The following PRIM2 variants were observed in gnomAD, a reference collection of about 807,000 sequenced individuals.
The protein encoded by PRIM2 is DNA primase subunit 2, also known as DNA primase large subunit.
Under a neutral mutation model 67.3 loss-of-function variants are expected in PRIM2, and 39 were observed. The observed-to-expected ratio is 0.58, with a 90% CI of 0.45 to 0.76. The LOEUF is 0.76. Among genes scored for constraint, PRIM2 ranks in the 30% least tolerant of loss-of-function variants. The pLI is 0.00. For synonymous variants in PRIM2, 143 were observed against 198.7 expected (o/e 0.72, Z 2.36); for missense variants, 398 against 598.7 (o/e 0.66, Z 3.50).
intron 8 of PRIM2, among the ~76,000 whole-genome samples, chr6:57,514,858 C>T (rs1477937387): frequency 6.6e-6 from 1 of 151,948 alleles, no homozygotes; most frequent in African/African-American, 2.4e-5. Flanking sequence ...AAACAGTACC[C>T]CCCTCCCCAC....
chr6:57,526,216 T>C (rs1315184882), intron 8 of PRIM2, among the ~76,000 whole-genome samples: 27 of 152,292 alleles, frequency 1.8e-4, no homozygotes, highest in Non-Finnish European at 3.2e-4. Context: ...TCTAATGTAA[T>C]TGAATATTCA....
the PRIM2 span, among the ~76,000 whole-genome samples, chr6:57,284,068 A>C: frequency 1.3e-5 from 2 of 152,162 alleles, no homozygotes; most frequent in African/African-American, 4.8e-5. Context: ...CACTCTCCCC[A>C]TAAGTATCCT....
chr6:57,223,934 T>C, the PRIM2 span, among the ~76,000 whole-genome samples: 2 of 152,172 alleles, frequency 1.3e-5, no homozygotes, highest in African/African-American at 4.8e-5. Flanking sequence ...ACATTAAAAA[T>C]AGAATTATCG....
At chr6:57,357,064 G>A (rs62415818) in intron 5 of PRIM2, among the ~76,000 whole-genome samples, 2 of 151,444 alleles carry the variant, frequency 1.3e-5, no homozygotes, top group African/African-American at 2.4e-5. Flanking sequence ...CTCCCAAGTA[G>A]CTGGGACTAC....
chr6:57,295,727 T>C, the PRIM2 span, among the ~76,000 whole-genome samples: 1 of 152,206 alleles, frequency 6.6e-6, no homozygotes, highest in Non-Finnish European at 1.5e-5. Flanking sequence ...CTGATGCTTA[T>C]CTCCACATGA....
At chr6:57,487,087 A>G (rs2127407916) in intron 7 of PRIM2, among the ~76,000 whole-genome samples, 1 of 152,232 alleles carries the variant, frequency 6.6e-6, no homozygotes, top group East Asian at 1.9e-4. Flanking sequence ...TTAAAAGATC[A>G]CTAGTCAAGT....
chr6:57,605,989 A>T (rs1776555484), intron 11 of PRIM2, among the ~76,000 whole-genome samples: 1 of 152,080 alleles, frequency 6.6e-6, no homozygotes, highest in Admixed American at 6.5e-5. Context: ...TCCTTCTCTC[A>T]TATGCCTTTT....
intron 8 of PRIM2, among the ~76,000 whole-genome samples, chr6:57,516,747 T>C (rs1432364337): frequency 9.9e-5 from 15 of 152,184 alleles, no homozygotes; most frequent in African/African-American, 3.6e-4. Context: ...TTTTATGTAT[T>C]GTTTATTGAA....
chr6:57,355,546 T>G (rs1769004601), intron 5 of PRIM2, among the ~76,000 whole-genome samples: 1 of 152,148 alleles, frequency 6.6e-6, no homozygotes, highest in South Asian at 2.1e-4. Flanking sequence ...CTGGCTTGTC[T>G]TTTTCTTAGA....
chr6:57,613,570 G>A (rs1463054790), intron 12 of PRIM2, among the ~76,000 whole-genome samples: 5 of 152,188 alleles, frequency 3.3e-5, no homozygotes, highest in Non-Finnish European at 5.9e-5. Flanking sequence ...GTTAGGAACT[G>A]TGAAGGATCT....
At chr6:57,256,386 A>G in the PRIM2 span, among the ~76,000 whole-genome samples, 1 of 152,168 alleles carries the variant, frequency 6.6e-6, no homozygotes, top group Non-Finnish European at 1.5e-5. Context: ...TTCTTCCATT[A>G]TAAGATCAAA....
chr6:57,272,041 C>A, the PRIM2 span, among the ~76,000 whole-genome samples: 1 of 152,174 alleles, frequency 6.6e-6, no homozygotes, highest in Admixed American at 6.5e-5. Context: ...GAGTGCTTTA[C>A]TTCCAACTAT....
At chr6:57,248,410 C>A in the PRIM2 span, among the ~76,000 whole-genome samples, 1 of 152,082 alleles carries the variant, frequency 6.6e-6, no homozygotes, top group Non-Finnish European at 1.5e-5. Flanking sequence ...GGGTTGTTGT[C>A]CAGGTTCTTG....
At chr6:57,411,891 C>A (rs1308178919) in intron 7 of PRIM2, among the ~76,000 whole-genome samples, 1 of 151,630 alleles carries the variant, frequency 6.6e-6, no homozygotes, top group African/African-American at 2.4e-5. Context: ...ATAAATAATA[C>A]AATTTAATAA....
At position 57,587,687 on chromosome 6, in the gene PRIM2, AAAAAAAAG is replaced by A. The variant is rs1454350847; in HGVS notation, c.1021-13405_1021-13398del. Among the ~76,000 whole-genome samples the A allele has an allele frequency of 3.7e-3, 549 of 149,158 alleles. 5 individuals are homozygous for A. The highest frequency in any genetic ancestry group is 0.013 in the African/African-American group (524 of 40,112). On this transcript the variant is annotated intron_variant, in intron 10 of 13. Transcript: ENST00000615550. ...CTCAAAAAAAAAAAAAAAAAAAAAA[AAAAAAAAG>A]GCAGAACACAAATGAATCACCATGA...
intron 11 of PRIM2, 62 bp from the exon 12 acceptor site, chr6:57,606,313 G>A (rs1776561313): frequency 1.5e-6 from 2 of 1,358,188 alleles, no homozygotes; most frequent in Admixed American, 3.8e-5. Context: ...CTCGAGTGTG[G>A]TGTTGTACTA....
At chr6:57,426,775 T>C (rs1292386792) in intron 7 of PRIM2, among the ~76,000 whole-genome samples, 2 of 152,190 alleles carry the variant, frequency 1.3e-5, no homozygotes, top group Admixed American at 6.5e-5. Context: ...ATAAATACAT[T>C]TTGATATAGT....
chr6:57,555,383 G>A (rs1436208840), intron 10 of PRIM2, among the ~76,000 whole-genome samples: 4 of 152,184 alleles, frequency 2.6e-5, no homozygotes, highest in Admixed American at 2.6e-4. Flanking sequence ...AGCTATGAGC[G>A]ATTCTCCTGC....
chr6:57,296,100 A>C, the PRIM2 span, among the ~76,000 whole-genome samples: 1 of 152,304 alleles, frequency 6.6e-6, no homozygotes, highest in South Asian at 2.1e-4. Context: ...CCATATTACG[A>C]ATGAATAACA....
Sources: allele counts gnomAD v4.1 joint callset (sites outside exome capture counted in the v4.1 genomes callset), GRCh38; gene constraint gnomAD v4.1.1; transcripts MANE v1.5; gene names NCBI Gene and HGNC (gene_info 2026-07-23, HGNC 2026-07-21).